RABGAP1L: variants seen among roughly 807,000 people sequenced by gnomAD.
The protein encoded by RABGAP1L is RAB GTPase activating protein 1 like, also known as rab GTPase-activating protein 1-like.
RABGAP1L carries 63 observed loss-of-function variants against 137.7 expected under a neutral mutation model. That is an observed-to-expected ratio of 0.46 (90% CI 0.37 to 0.56). The LOEUF (loss-of-function observed/expected upper bound fraction) is 0.56, where lower values mean the gene tolerates loss of function less well. Among genes scored for constraint, RABGAP1L ranks in the 20% least tolerant of loss-of-function variants. RABGAP1L has a pLI of 0.00. For missense variants in RABGAP1L, 1,095 were observed against 1,244.0 expected (o/e 0.88, Z 1.80); for synonymous variants, 431 against 433.7 (o/e 0.99, Z 0.08).
At chr1:174,655,388 G>T (rs899608486) in intron 14 of RABGAP1L, among the ~76,000 whole-genome samples, 1 of 151,886 alleles carries the variant, frequency 6.6e-6, no homozygotes, top group Non-Finnish European at 1.5e-5. Context: ...CCATTTTTTT[G>T]AATATCCCTC....
At chr1:174,332,916 T>C (rs1681161789) in intron 11 of RABGAP1L, among the ~76,000 whole-genome samples, 1 of 152,206 alleles carries the variant, frequency 6.6e-6, no homozygotes, top group South Asian at 2.1e-4. Flanking sequence ...GGAGTCCACC[T>C]AAATGTCCAT....
At chr1:174,526,699 A>T (rs767245223) in intron 13 of RABGAP1L, among the ~76,000 whole-genome samples, 80 of 152,024 alleles carry the variant, frequency 5.3e-4, no homozygotes, top group Middle Eastern at 3.4e-3. Context: ...TTCATTTTTT[A>T]AAAATTTGGG....
intron 11 of RABGAP1L, among the ~76,000 whole-genome samples, chr1:174,327,974 TATATACAC>T (rs1245449323): frequency 0.014 from 218 of 16,068 alleles, 4 homozygotes; most frequent in South Asian, 0.018. Context: ...TATATATATA[TATATACAC>T]ACACATATAT....
chr1:174,868,707 A>G lies in RABGAP1L; in HGVS notation c.2340+56747A>G, dbSNP rs1455918523. Among the ~76,000 whole-genome samples, 3 of 152,146 alleles carry G rather than the reference A, an allele frequency of 2.0e-5. No homozygotes were observed. In the East Asian group the frequency reaches 5.8e-4, roughly 29 times the overall value. ...TCCCTGTTCTTTTCATAGTTGTTCA[A>G]TTTAATGAGAGGTAATTGATTAAAT... On this transcript the variant is annotated intron_variant, in intron 19 of 25. Transcript: ENST00000681986.
intron 19 of RABGAP1L, among the ~76,000 whole-genome samples, chr1:174,814,626 T>G (rs985535928): frequency 5.9e-5 from 9 of 152,180 alleles, no homozygotes; most frequent in Non-Finnish European, 1.2e-4. Context: ...CGTACTTACA[T>G]ACACATAACT....
chr1:174,868,966 T>C (rs1170546079), intron 19 of RABGAP1L, among the ~76,000 whole-genome samples: 2 of 152,118 alleles, frequency 1.3e-5, no homozygotes, highest in Non-Finnish European at 2.9e-5. Flanking sequence ...GACACTGTTA[T>C]TCATCTCTCC....
chr1:174,907,693 A>T (rs529233367), intron 19 of RABGAP1L, among the ~76,000 whole-genome samples: 1 of 152,240 alleles, frequency 6.6e-6, no homozygotes, highest in East Asian at 1.9e-4. Context: ...CAGTGCAAAA[A>T]ACCTATAATA....
At chr1:174,938,319 C>T (rs760163693) in intron 19 of RABGAP1L, 14 of 152,248 alleles carry the variant, frequency 9.2e-5, no homozygotes, top group Non-Finnish European at 1.9e-4. Flanking sequence ...GACATCTTCA[C>T]ATAGTTTCTT....
intron 16 of RABGAP1L, among the ~76,000 whole-genome samples, chr1:174,701,472 T>A (rs1415050296): frequency 6.6e-6 from 1 of 152,156 alleles, no homozygotes; most frequent in Non-Finnish European, 1.5e-5. Flanking sequence ...CTGGGTACAG[T>A]GGCTCACACC....
chr1:174,325,670 C>G (rs565050336), intron 11 of RABGAP1L, among the ~76,000 whole-genome samples: 47 of 152,274 alleles, frequency 3.1e-4, no homozygotes, highest in African/African-American at 1.1e-3. Context: ...AATCCTGGGT[C>G]CCTTCACAGG....
intron 13 of RABGAP1L, among the ~76,000 whole-genome samples, chr1:174,587,160 T>A (rs1014020372): frequency 1.3e-5 from 2 of 151,298 alleles, no homozygotes; most frequent in Non-Finnish European, 2.9e-5. Flanking sequence ...GTTGGACATT[T>A]GGGTTGGTTC....
chr1:174,954,793 C>A (rs1668270965), intron 19 of RABGAP1L, among the ~76,000 whole-genome samples: 1 of 152,106 alleles, frequency 6.6e-6, no homozygotes, highest in Non-Finnish European at 1.5e-5. Context: ...TCCCCTTGGC[C>A]CTTGTTTCTG....
At chr1:174,494,211 G>A (rs993116524) in intron 13 of RABGAP1L, among the ~76,000 whole-genome samples, 13 of 152,150 alleles carry the variant, frequency 8.5e-5, no homozygotes, top group African/African-American at 2.9e-4. Flanking sequence ...TGCAGATAAA[G>A]CCACAGACAT....
At chr1:174,205,590 T>G (rs1238859931) in intron 1 of RABGAP1L, among the ~76,000 whole-genome samples, 2 of 152,118 alleles carry the variant, frequency 1.3e-5, no homozygotes, top group Admixed American at 1.3e-4. Flanking sequence ...CTGTAGTAGT[T>G]TCTGATGGTT....
chr1:174,289,097 G>T (rs1477295455), intron 10 of RABGAP1L, among the ~76,000 whole-genome samples: 1 of 152,130 alleles, frequency 6.6e-6, no homozygotes, highest in African/African-American at 2.4e-5. Flanking sequence ...GAATGCAGTG[G>T]CACAATCATA....
chr1:174,226,004 G>A (rs186593624), intron 3 of RABGAP1L, among the ~76,000 whole-genome samples: 182 of 152,112 alleles, frequency 1.2e-3, no homozygotes, highest in Middle Eastern at 3.4e-3. Flanking sequence ...TTCTGTGGTC[G>A]GGGCTAGTGG....
chr1:174,920,674 AAGG>A (rs755470980), intron 19 of RABGAP1L, among the ~76,000 whole-genome samples: 19 of 152,158 alleles, frequency 1.2e-4, no homozygotes, highest in Non-Finnish European at 2.2e-4. Flanking sequence ...ATTAAGGTAA[AAGG>A]AGGTCATTGG....
At chr1:174,481,478 T>C (rs1372807190) in intron 13 of RABGAP1L, among the ~76,000 whole-genome samples, 1 of 152,138 alleles carries the variant, frequency 6.6e-6, no homozygotes, top group African/African-American at 2.4e-5. Flanking sequence ...CTACCTATGC[T>C]CTAAGGCCTG....
intron 17 of RABGAP1L, among the ~76,000 whole-genome samples, chr1:174,730,125 A>G (rs1358474477): frequency 6.6e-6 from 1 of 152,214 alleles, no homozygotes; most frequent in Non-Finnish European, 1.5e-5. Context: ...TGCAGCCACA[A>G]AAAAGAACAA....
Sources: allele counts gnomAD v4.1 joint callset (sites outside exome capture counted in the v4.1 genomes callset), GRCh38; gene constraint gnomAD v4.1.1; transcripts MANE v1.5; gene names NCBI Gene and HGNC (gene_info 2026-07-23, HGNC 2026-07-21).